The following MYH4 variants were observed in gnomAD, a reference collection of about 807,000 sequenced individuals.
MYH4 encodes the protein myosin-4.
Under a neutral mutation model 229.9 loss-of-function variants are expected in MYH4, and 200 were observed. That is an observed-to-expected ratio of 0.87 (90% confidence interval 0.78 to 0.98). The LOEUF (loss-of-function observed/expected upper bound fraction) is 0.98, where lower values mean the gene tolerates loss of function less well. MYH4 is among the 50% of genes least tolerant of loss of function. MYH4 has a pLI of 0.00. For synonymous variants in MYH4, 761 were observed against 834.6 expected (o/e 0.91, Z 1.52); for missense variants, 2,148 against 2,332.6 (o/e 0.92, Z 1.63).
chr17:10,450,989 T>C, intron 28 of MYH4, 94 bp from the exon 29 acceptor site: 1 of 1,106,494 alleles, frequency 9.0e-7, no homozygotes, highest in South Asian at 1.5e-5. Flanking sequence ...TTATTTCATA[T>C]GATGAAAAAA....
Position 10,453,850 on chromosome 17 carries a change from A to G in MYH4, c.2727T>C (p.Cys909=). The change falls in exon 23 of 40, where the codon TGT becomes TGC. Residue 909 remains cysteine, a synonymous_variant. Coordinates refer to ENST00000255381, the MANE Select transcript of MYH4 (RefSeq NM_017533.2). ...ADALADAEER[C]DQLIKTKIQL... ...GGATTTTGGTTTTAATCAACTGATCACATCTTTCCTCTGCATCAGCCAAGG... is the reference window on the plus strand; with the variant it reads ...GGATTTTGGTTTTAATCAACTGATCGCATCTTTCCTCTGCATCAGCCAAGG... The G allele has an allele frequency of 6.2e-7, 1 of 1,614,146 alleles. No individual in the cohort carries two copies. The highest frequency in any genetic ancestry group is 8.5e-7 in the Non-Finnish European group (1 of 1,180,024).
Position 10,450,545 on chromosome 17 carries a change from C to G in MYH4, c.4089G>C (p.Arg1363Ser). ...EEQEAKAELQ[R>S]GMSKANSEVA... The stretch of plus-strand genomic sequence containing the variant: ...CCTCACTGTTGGCCTTGGACATTCC[C>G]CTCTGCAGCTCAGCCTTGGCTTCCT... Residue 1363 changes from arginine (R) to serine (S), a missense_variant, in exon 30 of 40, where the codon AGG becomes AGC. By Grantham distance (110) the Arg-to-Ser change is moderately radical. Transcript: ENST00000255381. 6.2e-7 allele frequency: 1 copy of G among 1,614,198 alleles called. No individual in the cohort carries two copies. Among genetic ancestry groups the G allele is most frequent in the Non-Finnish European group, 8.5e-7 (1 of 1,180,016 alleles).
chr17:10,445,571 A>G (rs1271768192), intron 35 of MYH4, among the ~76,000 whole-genome samples: 3 of 152,140 alleles, frequency 2.0e-5, no homozygotes, highest in African/African-American at 2.4e-5. Flanking sequence ...TTTGATGTCA[A>G]ACATATTCAA....
In MYH4 at chr17:10,453,854, C is replaced by G; in HGVS notation, c.2723G>C (p.Arg908Thr). The change falls in exon 23 of 40, where the codon AGA becomes ACA. Residue 908 changes from arginine to threonine, a missense_variant. By Grantham distance (71) the Arg-to-Thr change is moderately conservative. Transcript: ENST00000255381. ...TTTGGTTTTAATCAACTGATCACAT[C>G]TTTCCTCTGCATCAGCCAAGGCATC... ...EADALADAEE[R>T]CDQLIKTKIQ... is the part of the protein sequence containing the mutation. 2 of 1,614,096 alleles carry G rather than the reference C, an allele frequency of 1.2e-6. No individual in the cohort carries two copies. Among genetic ancestry groups the G allele is most frequent in the Non-Finnish European group, 1.7e-6 (2 of 1,180,010 alleles).
chr17:10,444,549 C>A lies in MYH4; in HGVS notation c.5667+55G>T, dbSNP rs115562095. ...CCCTAAATTCTATAAACTTTAGGCC[C>A]CAAAAAACCTGGATGTGCATCTGAA... On this transcript the variant is annotated intron_variant, in intron 39 of 39. Coordinates refer to ENST00000255381, the MANE Select transcript of MYH4 (RefSeq NM_017533.2). The A allele has an allele frequency of 1.0e-3, 1,470 of 1,414,640 alleles. 16 individuals are homozygous for A. In the African/African-American group the frequency reaches 0.019, roughly 18 times the overall value. 87.6% of individuals were successfully genotyped at this position (1,414,640 alleles called of 1,614,324 possible).
chr17:10,459,477 G>C, intron 14 of MYH4, 56 bp from the exon 15 acceptor site: 11 of 1,610,940 alleles, frequency 6.8e-6, no homozygotes, highest in Non-Finnish European at 9.3e-6. Flanking sequence ...TATCTACAGA[G>C]TATCTATTAG....
At position 10,448,381 on chromosome 17, in the gene MYH4, A is replaced by ATT; in HGVS notation, c.4656+14_4656+15insAA. 1 of 1,605,610 alleles carries ATT rather than the reference A, an allele frequency of 6.2e-7. No homozygotes were observed. The highest frequency in any genetic ancestry group is 8.5e-7 in the Non-Finnish European group (1 of 1,177,590). ...ATTTATTTATAATGCAGAGCTAAGC[A>ATT]AATGAAAAATGTACCTCTGCTTCCT... On this transcript the variant is annotated intron_variant, in intron 33 of 39. Coordinates refer to ENST00000255381, the MANE Select transcript of MYH4 (RefSeq NM_017533.2).
Position 10,466,272 on chromosome 17 carries a change from C to T in MYH4, c.348+1G>A, listed in dbSNP as rs961801438. 2.5e-6 allele frequency: 4 copies of T among 1,613,796 alleles called. No homozygotes were observed. Among genetic ancestry groups the T allele is most frequent in the African/African-American group, 1.3e-5 (1 of 74,998 alleles). The stretch of plus-strand genomic sequence containing the variant: ...AGAAATAGCGTTGAAAGGGTGCTCA[C>T]GTAGATCATCCAGGCTGCGTAACGC... On this transcript the variant is annotated splice_donor_variant, in intron 4 of 39. Coordinates refer to ENST00000255381, the MANE Select transcript of MYH4 (RefSeq NM_017533.2). LOFTEE classifies it high-confidence loss of function.
chr17:10,465,367 C>T (rs542515693), intron 5 of MYH4, 75 bp downstream of exon 5: 1 of 1,538,586 alleles, frequency 6.5e-7, no homozygotes, highest in Admixed American at 1.7e-5. Flanking sequence ...TCTCAGAATA[C>T]TAGCCCTATG....
At chr17:10,449,262 C>G (rs2108605) in intron 30 of MYH4, among the ~76,000 whole-genome samples, 148,792 of 152,252 alleles carry the variant, frequency 0.98, 72,727 homozygotes, top group East Asian at 1. Flanking sequence ...TACGAAGCAC[C>G]TGTGTGTGTG....
chr17:10,447,327 G>A, intron 34 of MYH4, 111 bp from the exon 35 acceptor site: 1 of 858,156 alleles, frequency 1.2e-6, no homozygotes, highest in Non-Finnish European at 1.8e-6. Flanking sequence ...TTAGATAGGA[G>A]CAATCGGCAA....
Position 10,452,078 on chromosome 17 carries a change from C to A in MYH4, c.3601G>T (p.Ala1201Ser), listed in dbSNP as rs199911085. 2 of 1,613,962 alleles carry A rather than the reference C, an allele frequency of 1.2e-6. No homozygotes were observed. The highest frequency in any genetic ancestry group is 8.5e-7 in the Non-Finnish European group (1 of 1,179,932). ...TCCCCAAGCTCAGCCACACTATCTG[C>A]GTGCTTCTTCCGAAGAGCAGCTGCC... is the stretch of plus-strand genomic sequence containing the variant. ...ATAAALRKKH[A>S]DSVAELGEQI... Residue 1201 changes from alanine to serine, a missense_variant, in exon 27 of 40, where the codon GCA becomes TCA. Ala to Ser is a moderately conservative substitution (Grantham distance 99). Coordinates refer to ENST00000255381, the MANE Select transcript of MYH4 (RefSeq NM_017533.2).
At chr17:10,450,975 C>T (rs566002477) in intron 28 of MYH4, 80 bp from the exon 29 acceptor site, 3 of 1,174,364 alleles carry the variant, frequency 2.6e-6, no homozygotes, top group South Asian at 2.7e-5. Context: ...ACATTGTAAC[C>T]CTCTTATTTC....
Position 10,452,166 on chromosome 17 carries a change from C to G in MYH4, c.3513G>C (p.Arg1171=), listed in dbSNP as rs758224367. Residue 1171 remains arginine, a synonymous_variant, in exon 27 of 40, where the codon CGG becomes CGC. Transcript: ENST00000255381. ...TGCGCATTTTCTGGAACTCAGCCTC[C>G]CGCTTCTTGTTCATCTCAATCTGGG... is the stretch of plus-strand genomic sequence containing the variant. The part of the protein sequence containing the change: ...TSAQIEMNKK[R]EAEFQKMRRD... 3 of 1,613,980 alleles carry G rather than the reference C, an allele frequency of 1.9e-6. No individual in the cohort carries two copies. The highest frequency in any genetic ancestry group is 3.3e-5 in the Admixed American group (2 of 60,004).
intron 21 of MYH4, 44 bp from the exon 22 acceptor site, chr17:10,454,854 A>C (rs2072620388): frequency 6.2e-7 from 1 of 1,610,388 alleles, no homozygotes; most frequent in Non-Finnish European, 8.5e-7. Context: ...ATAATGTGGA[A>C]AGTGATCATC....
chr17:10,447,002 T>C lies in MYH4; in HGVS notation c.5169+11A>G, dbSNP rs1403932374. ...GGAGTACATTTTCTAAACCATAGTC[T>C]TGAACCTCACCTGAGTGTGCAGAAG... On this transcript the variant is annotated intron_variant, in intron 35 of 39. Transcript: ENST00000255381. 3.7e-6 allele frequency: 6 copies of C among 1,612,956 alleles called. No individual in the cohort carries two copies. In the African/African-American group the frequency reaches 6.7e-5, roughly 18 times the overall value.
At chr17:10,445,802 G>T (rs188609102) in intron 35 of MYH4, among the ~76,000 whole-genome samples, 390 of 152,180 alleles carry the variant, frequency 2.6e-3, no homozygotes, top group Non-Finnish European at 4.4e-3. Context: ...GCCGAGGTGG[G>T]CAGATCACGG....
intron 28 of MYH4, 42 bp from the exon 29 acceptor site, chr17:10,450,937 G>GAA: frequency 6.9e-7 from 1 of 1,458,412 alleles, no homozygotes; most frequent in Non-Finnish European, 9.6e-7. Context: ...CTGTTGTCTA[G>GAA]GTAAACAATA....
At chr17:10,461,934 G>A (rs764512225) in intron 11 of MYH4, among the ~76,000 whole-genome samples, 10 of 152,094 alleles carry the variant, frequency 6.6e-5, no homozygotes, top group Admixed American at 1.3e-4. Flanking sequence ...ACATTATTAC[G>A]GAAGTCTTAG....
Sources: allele counts gnomAD v4.1 joint callset (sites outside exome capture counted in the v4.1 genomes callset), GRCh38; gene constraint gnomAD v4.1.1; transcripts MANE v1.5; gene names NCBI Gene and HGNC (gene_info 2026-07-23, HGNC 2026-07-21).